The following REXO2 variants were observed in gnomAD, a reference collection of about 807,000 sequenced individuals.
The protein encoded by REXO2 is RNA exonuclease 2.
Under a neutral mutation model 30.9 loss-of-function variants are expected in REXO2, and 17 were observed. The ratio of observed to expected loss-of-function variants is 0.55; its 90% CI spans 0.38 to 0.82. The LOEUF is 0.82. Ranked by LOEUF, REXO2 falls within the 40% of genes least tolerant of loss-of-function variation. The pLI, the probability that REXO2 is intolerant of heterozygous loss-of-function variation, is 0.00. For missense variants in REXO2, 253 were observed against 293.2 expected, an observed-to-expected ratio of 0.86 and a Z score of 1.00; for synonymous variants, 105 against 99.6, an observed-to-expected ratio of 1.05 and a Z score of -0.32.
At chr11:114,441,891 C>T (rs1363683885) in intron 2 of REXO2, 6 of 612,554 alleles carry the variant, frequency 9.8e-6, no homozygotes, top group Non-Finnish European at 1.8e-5. Context: ...AAATAAAGCC[C>T]TGAGTTTTAG....
chr11:114,440,731 T>C lies in REXO2; in HGVS notation c.223T>C (p.Leu75=), dbSNP rs1211750263. Residue 75 remains leucine (L), a synonymous_variant, in exon 2 of 7, where the codon TTG becomes CTG. Transcript: ENST00000265881. ...GATAACTGACTCTGATCTCAACATTTTGGCTGAAGTACGTGATGCCATGTA... is the reference window on the plus strand; with the variant it reads ...GATAACTGACTCTGATCTCAACATTCTGGCTGAAGTACGTGATGCCATGTA... ...CLITDSDLNI[L]AEGPNLIIKQ... is the part of the protein sequence containing the mutation. 6.2e-7 allele frequency: 1 copy of C among 1,612,582 alleles called. No individual in the cohort carries two copies. The highest frequency in any genetic ancestry group is 1.7e-5 in the Admixed American group (1 of 60,016).
intron 1 of REXO2, 29 bp downstream of exon 1, chr11:114,439,704 A>G: frequency 2.1e-6 from 3 of 1,448,832 alleles, no homozygotes; most frequent in East Asian, 2.6e-5. Flanking sequence ...GGGCTTGGGG[A>G]GGCGAGTGAG....
intron 2 of REXO2, among the ~76,000 whole-genome samples, chr11:114,442,213 T>C (rs767100825): frequency 6.6e-6 from 1 of 152,096 alleles, no homozygotes; most frequent in Non-Finnish European, 1.5e-5. Flanking sequence ...TTTTATTCTT[T>C]TATAAGAGTC....
At chr11:114,440,577 A>C in intron 1 of REXO2, 79 bp from the exon 2 acceptor site, 1 of 1,058,138 alleles carries the variant, frequency 9.5e-7, no homozygotes, top group Non-Finnish European at 1.4e-6. Context: ...TGTTTGAGGG[A>C]ATTCCTGTTA....
At position 114,439,917 on chromosome 11, in the gene REXO2, C is replaced by A. The variant is rs572591782; in HGVS notation, c.147+242C>A. Reference sequence around the variant, plus strand: ...AGTCCTCCGTGTGGCTTCTTCTCCTCCCTACCCCTCCGCCCAGATGTGGAC... The same window carrying A: ...AGTCCTCCGTGTGGCTTCTTCTCCTACCTACCCCTCCGCCCAGATGTGGAC... On this transcript the variant is annotated intron_variant, in intron 1 of 6. Transcript: ENST00000265881. The A allele has an allele frequency of 6.5e-4, 373 of 574,432 alleles. 1 individual carries two copies. Among genetic ancestry groups the A allele is most frequent in the Non-Finnish European group, 9.8e-4 (319 of 324,576 alleles). The allele number at this position is 574,432 out of a possible 1,614,324, so 35.6% of individuals were successfully genotyped here.
At chr11:114,440,007 G>A in intron 1 of REXO2, 2 of 498,526 alleles carry the variant, frequency 4.0e-6, no homozygotes, top group South Asian at 3.8e-5. Flanking sequence ...CAGCGGCTCT[G>A]TTCCCAGCTT....
intron 2 of REXO2, chr11:114,441,012 C>T: frequency 1.4e-5 from 4 of 292,394 alleles, no homozygotes; most frequent in East Asian, 7.1e-5. Flanking sequence ...TACTGTATGC[C>T]AGCTACAGTT....
intron 1 of REXO2, chr11:114,440,194 A>G: frequency 2.2e-6 from 1 of 457,836 alleles, no homozygotes; most frequent in Non-Finnish European, 4.4e-6. Flanking sequence ...CCCAGTTCCT[A>G]TCCCTTCAGG....
intron 2 of REXO2, among the ~76,000 whole-genome samples, chr11:114,442,751 T>A (rs1946487197): frequency 6.6e-6 from 1 of 152,228 alleles, no homozygotes; most frequent in Non-Finnish European, 1.5e-5. Context: ...TGAGGTGACT[T>A]GCTTTAATGC....
chr11:114,446,149 G>C, intron 5 of REXO2, 62 bp downstream of exon 5: 8 of 963,590 alleles, frequency 8.3e-6, no homozygotes, highest in Non-Finnish European at 1.3e-5. Flanking sequence ...TTGAGAATTT[G>C]TGGAAAGTAA....
chr11:114,447,508 A>T (rs1355032382), intron 5 of REXO2, among the ~76,000 whole-genome samples: 1 of 151,998 alleles, frequency 6.6e-6, no homozygotes, highest in Non-Finnish European at 1.5e-5. Flanking sequence ...GTGTGTTTTG[A>T]TGTATGTTGA....
chr11:114,443,670 G>A (rs1946494562), intron 2 of REXO2, among the ~76,000 whole-genome samples, 186 bp from the exon 3 acceptor site: 1 of 152,114 alleles, frequency 6.6e-6, no homozygotes, highest in Non-Finnish European at 1.5e-5. Flanking sequence ...AGTGGTGTGT[G>A]TATGTTCGTA....
rs774287515 is a variant in REXO2 at position 114,439,582 on chromosome 11, C to T, written c.54C>T (p.His18=). The T allele has an allele frequency of 1.2e-6, 2 of 1,608,972 alleles. No homozygotes were observed. Among genetic ancestry groups the T allele is most frequent in the African/African-American group, 1.3e-5 (1 of 74,734 alleles). ...SRLLRGVGGS[H]GRFGARGVRE... ...TGTTGCGGGGTGTAGGTGGGAGTCA[C>T]GGACGGTTCGGGGCCCGAGGTGTCC... is the stretch of plus-strand genomic sequence containing the variant. The change falls in exon 1 of 7, where the codon CAC becomes CAT. Residue 18 remains histidine, a synonymous_variant. Transcript: ENST00000265881.
chr11:114,441,806 C>G (rs892239245), intron 2 of REXO2: 3 of 701,732 alleles, frequency 4.3e-6, no homozygotes, highest in Non-Finnish European at 5.2e-6. Context: ...CCAGGCTTAT[C>G]CTCCCCACAT....
rs200991055 is a variant in REXO2, at chr11:114,450,027, G to GT, written c.*61dup. ...CGTTATCTGGAGGCAACTTCTGGTG[G>GT]TTTTTTTTTCTCACGCTGATGGCTT... On this transcript the variant is annotated 3_prime_UTR_variant, in exon 7 of 7. Coordinates refer to ENST00000265881, the MANE Select transcript of REXO2 (RefSeq NM_015523.4). The GT allele has an allele frequency of 2.5e-3, 3,689 of 1,494,034 alleles. No homozygotes were observed. The highest frequency in any genetic ancestry group is 4.0e-3 in the East Asian group (160 of 40,102). The allele number at this position is 1,494,034 out of a possible 1,614,324, so 92.5% of individuals were successfully genotyped here.
At chr11:114,441,812 C>T (rs1046573679) in intron 2 of REXO2, 1 of 701,298 alleles carries the variant, frequency 1.4e-6, no homozygotes, top group Non-Finnish European at 2.6e-6. Flanking sequence ...TTATCCTCCC[C>T]ACATATCAAC....
In REXO2 at chr11:114,449,996, C is replaced by T; in HGVS notation, c.*21C>T. 1.3e-6 allele frequency: 2 copies of T among 1,574,300 alleles called. No individual in the cohort carries two copies. The highest frequency in any genetic ancestry group is 2.4e-5 in the South Asian group (2 of 83,680). On this transcript the variant is annotated 3_prime_UTR_variant, in exon 7 of 7. Coordinates refer to ENST00000265881, the MANE Select transcript of REXO2 (RefSeq NM_015523.4). ...GTTGATGCCAGTTATCATGCTGCCACTACATCGTTATCTGGAGGCAACTTC... is the reference window on the plus strand; with the variant it reads ...GTTGATGCCAGTTATCATGCTGCCATTACATCGTTATCTGGAGGCAACTTC...
chr11:114,440,844 A>T lies in REXO2; in HGVS notation c.231+105A>T, dbSNP rs751580957. The T allele has an allele frequency of 3.4e-6, 3 of 870,460 alleles. No homozygotes were observed. In the African/African-American group the frequency reaches 5.1e-5, roughly 15 times the overall value. 53.9% of individuals were successfully genotyped at this position (870,460 alleles called of 1,614,324 possible). A position where few individuals can be genotyped will look rare whatever the true frequency, so the allele number is the denominator to read the frequency against. On this transcript the variant is annotated intron_variant, in intron 2 of 6. Coordinates refer to ENST00000265881, the MANE Select transcript of REXO2 (RefSeq NM_015523.4). ...TTAAAAAATAAGAAAGTTGAGGTCTATATGGGTTAAGGTAATGTGCTAGGT... is the reference window on the plus strand; with the variant it reads ...TTAAAAAATAAGAAAGTTGAGGTCTTTATGGGTTAAGGTAATGTGCTAGGT...
chr11:114,445,273 C>G (rs947078326), intron 4 of REXO2: 3 of 152,134 alleles, frequency 2.0e-5, no homozygotes, highest in Non-Finnish European at 4.4e-5. Flanking sequence ...CATTGACTTT[C>G]TAAAGAGACC....
Sources: allele counts gnomAD v4.1 joint callset (sites outside exome capture counted in the v4.1 genomes callset), GRCh38; gene constraint gnomAD v4.1.1; transcripts MANE v1.5; gene names NCBI Gene and HGNC (gene_info 2026-07-23, HGNC 2026-07-21).